Variants in CYP2B6 observed in about 807,000 individuals in gnomAD.
CYP2B6 encodes cytochrome P450 2B6.
Under a neutral mutation model 43.4 loss-of-function variants are expected in CYP2B6, and 35 were observed. The ratio of observed to expected loss-of-function variants is 0.81; its 90% CI spans 0.62 to 1.07. The LOEUF is 1.07. Among genes scored for constraint, CYP2B6 ranks in the 50% least tolerant of loss-of-function variants. The pLI is 0.00. For missense variants in CYP2B6, 624 were observed against 632.8 expected, an observed-to-expected ratio of 0.99 and a Z score of 0.15; for synonymous variants, 239 against 239.2, an observed-to-expected ratio of 1.00 and a Z score of 0.01.
At chr19:40,995,892 G>A (rs1397526086) in intron 1 of CYP2B6, among the ~76,000 whole-genome samples, 17 of 152,164 alleles carry the variant, frequency 1.1e-4, no homozygotes, top group Admixed American at 1.1e-3. Context: ...CACCGGTTCA[G>A]CCAGACATAC....
At chr19:40,996,915 G>A (rs1421535407) in intron 1 of CYP2B6, among the ~76,000 whole-genome samples, 2 of 152,162 alleles carry the variant, frequency 1.3e-5, no homozygotes, top group Non-Finnish European at 2.9e-5. Context: ...TCCAGCCTGG[G>A]TAACAGATTG....
chr19:41,004,660 G>T (rs1022617049), intron 3 of CYP2B6, among the ~76,000 whole-genome samples: 2 of 151,970 alleles, frequency 1.3e-5, no homozygotes, highest in African/African-American at 4.8e-5. Flanking sequence ...GAGAGCCAGG[G>T]AAAGAGAGAG....
intron 8 of CYP2B6, 143 bp downstream of exon 8, chr19:41,012,958 C>T (rs1012485977): frequency 1.0e-6 from 1 of 976,396 alleles, no homozygotes; most frequent in Non-Finnish European, 1.6e-6. Flanking sequence ...TCCATCTTCA[C>T]TACAACCCTA....
chr19:41,014,570 C>T (rs1417169161), intron 8 of CYP2B6, among the ~76,000 whole-genome samples: 1 of 152,030 alleles, frequency 6.6e-6, no homozygotes, highest in Non-Finnish European at 1.5e-5. Context: ...TTCTGAAAGT[C>T]CTGGGATTAC....
intron 3 of CYP2B6, among the ~76,000 whole-genome samples, chr19:41,006,177 G>A (rs142149749): frequency 3.9e-4 from 59 of 152,106 alleles, no homozygotes; most frequent in African/African-American, 1.4e-3. Flanking sequence ...AATTAGAGAC[G>A]GGGTCTCACT....
intron 1 of CYP2B6, among the ~76,000 whole-genome samples, chr19:41,001,484 T>A (rs1454801310): frequency 1.3e-5 from 2 of 152,114 alleles, no homozygotes; most frequent in African/African-American, 4.8e-5. Context: ...TTCTTTTTGA[T>A]GTCAGAGGGA....
chr19:41,005,606 C>T lies in CYP2B6; in HGVS notation c.484+1160C>T, dbSNP rs534816032. On this transcript the variant is annotated intron_variant, in intron 3 of 8. Transcript: ENST00000324071. Reference sequence around the variant, plus strand: ...AACCAGCCTGGCCAACATGGTGAAACCCCATCTGTGCTAAAAATACAAAAA... The same window carrying T: ...AACCAGCCTGGCCAACATGGTGAAATCCCATCTGTGCTAAAAATACAAAAA... 6.8e-4 allele frequency among the ~76,000 whole-genome samples: 104 copies of T among 152,078 alleles called. 1 individual carries two copies. Among genetic ancestry groups the T allele is most frequent in the African/African-American group, 2.4e-3 (99 of 41,430 alleles).
intron 1 of CYP2B6, among the ~76,000 whole-genome samples, chr19:40,998,935 T>C (rs1489052493): frequency 1.6e-5 from 2 of 128,754 alleles, no homozygotes; most frequent in African/African-American, 6.1e-5. Flanking sequence ...TTTGGGTATA[T>C]ACCCAGTAAT....
chr19:41,012,569 C>T, intron 7 of CYP2B6, 84 bp downstream of exon 7: 1 of 1,608,576 alleles, frequency 6.2e-7, no homozygotes, highest in Non-Finnish European at 8.5e-7. Flanking sequence ...TTGTTAGCTC[C>T]TTAATTGAGT....
At position 41,008,827 on chromosome 19, in the gene CYP2B6, A is replaced by T. The variant is rs28399492; in HGVS notation, c.646-392A>T. 6.2e-3 allele frequency among the ~76,000 whole-genome samples: 938 copies of T among 152,276 alleles called. 14 individuals are homozygous for T. Among genetic ancestry groups the T allele is most frequent in the African/African-American group, 0.021 (877 of 41,536 alleles). ...GTCAGCAGGCTTATCTTGTGTAAGA[A>T]TCATTTTATTAATATCTGACACAGC... On this transcript the variant is annotated intron_variant, in intron 4 of 8. Transcript: ENST00000324071.
chr19:41,016,534 A>G, intron 8 of CYP2B6, 112 bp from the exon 9 acceptor site: 1 of 1,111,482 alleles, frequency 9.0e-7, no homozygotes, highest in East Asian at 2.5e-5. Context: ...GTTAAAGGCC[A>G]GTCTTATGCA....
intron 1 of CYP2B6, among the ~76,000 whole-genome samples, chr19:41,001,993 G>A (rs1352058978): frequency 6.6e-6 from 1 of 151,904 alleles, no homozygotes; most frequent in Non-Finnish European, 1.5e-5. Context: ...GGCACTAGAA[G>A]GAGGCAGGGG....
chr19:41,011,595 AC>A (rs1329061017), intron 6 of CYP2B6, among the ~76,000 whole-genome samples: 2 of 152,210 alleles, frequency 1.3e-5, no homozygotes, highest in South Asian at 2.1e-4. Flanking sequence ...ACTGTTATAT[AC>A]CTGAGGACCA....
At position 41,016,853 on chromosome 19, in the gene CYP2B6, G is replaced by A. The variant is rs28399501; in HGVS notation, c.*26G>A. 2.9e-3 allele frequency: 4,631 copies of A among 1,606,038 alleles called. 89 individuals carry two copies. The highest frequency in any genetic ancestry group is 1.0e-3 in the Non-Finnish European group (1,200 of 1,175,290). On this transcript the variant is annotated 3_prime_UTR_variant, in exon 9 of 9. Coordinates refer to ENST00000324071, the MANE Select transcript of CYP2B6 (RefSeq NM_000767.5). ...AGGGGCTGAGGGAAGGGGGTCAAAG[G>A]ATTCCAGGGTCATTCAGTGTCCCCG...
At chr19:41,014,863 A>G (rs1353776554) in intron 8 of CYP2B6, among the ~76,000 whole-genome samples, 1 of 151,752 alleles carries the variant, frequency 6.6e-6, no homozygotes, top group African/African-American at 2.4e-5. Flanking sequence ...GAGTAGGAAA[A>G]GGAAGGAGGA....
chr19:40,993,884 A>C (rs1436417091), intron 1 of CYP2B6, among the ~76,000 whole-genome samples: 1 of 152,128 alleles, frequency 6.6e-6, no homozygotes, highest in Non-Finnish European at 1.5e-5. Context: ...AGCCTCCAAG[A>C]TGGGCATAGA....
At chr19:40,994,370 T>G (rs1483736322) in intron 1 of CYP2B6, among the ~76,000 whole-genome samples, 1 of 152,114 alleles carries the variant, frequency 6.6e-6, no homozygotes, top group East Asian at 1.9e-4. Flanking sequence ...AGAGCAGAGA[T>G]CAGTTAGATT....
Position 41,016,765 on chromosome 19 carries a change from C to A in CYP2B6, c.1414C>A (p.Pro472Thr). The A allele has an allele frequency of 6.2e-7, 1 of 1,614,186 alleles. No homozygotes were observed. The highest frequency in any genetic ancestry group is 8.5e-7 in the Non-Finnish European group (1 of 1,180,022). Residue 472 changes from proline to threonine, a missense_variant, in exon 9 of 9, where the codon CCC becomes ACC. By Grantham distance (38) the Pro-to-Thr change is conservative. Coordinates refer to ENST00000324071, the MANE Select transcript of CYP2B6 (RefSeq NM_000767.5). ...PVAPEDIDLT[P>T]QECGVGKIPP... Reference sequence around the variant, plus strand: ...GGCCCCAGAAGACATCGATCTGACACCCCAGGAGTGTGGTGTGGGCAAAAT... The same window carrying A: ...GGCCCCAGAAGACATCGATCTGACAACCCAGGAGTGTGGTGTGGGCAAAAT...
Position 41,002,601 on chromosome 19 carries a change from G to A in CYP2B6, c.172-1400G>A, listed in dbSNP as rs187805734. Reference sequence around the variant, plus strand: ...TTTGCTCTGTCGCCCAGGCTGGAGTGCAGTGGCACTATCTCGCCTCACTGC... The same window carrying A: ...TTTGCTCTGTCGCCCAGGCTGGAGTACAGTGGCACTATCTCGCCTCACTGC... On this transcript the variant is annotated intron_variant, in intron 1 of 8. Transcript: ENST00000324071. Among the ~76,000 whole-genome samples, 65 of 152,250 alleles carry A rather than the reference G, an allele frequency of 4.3e-4. No homozygotes were observed. In the East Asian group the frequency reaches 8.7e-3, roughly 20 times the overall value.
Sources: gnomAD v4.1 joint callset for allele counts (sites outside exome capture counted in the v4.1 genomes callset) on GRCh38, gnomAD v4.1.1 for gene constraint, MANE v1.5 for transcripts, NCBI Gene and HGNC (gene_info 2026-07-23, HGNC 2026-07-21) for gene names.